Variants in CCDC30 observed in about 807,000 individuals in gnomAD.
The protein encoded by CCDC30 is coiled-coil domain containing 30, also known as coiled-coil domain-containing protein 30.
CCDC30 carries 70 observed loss-of-function variants against 100.2 expected under a neutral mutation model. The observed-to-expected ratio is 0.70, with a 90% CI of 0.58 to 0.85. The LOEUF (loss-of-function observed/expected upper bound fraction) is 0.85. Among genes scored for constraint, CCDC30 ranks in the 40% least tolerant of loss-of-function variants. The pLI is 0.00. For synonymous variants in CCDC30, 233 were observed against 269.5 expected (o/e 0.86, Z 1.33); for missense variants, 652 against 771.2 (o/e 0.85, Z 1.83).
At chr1:42,578,626 A>T (rs568898950) in intron 8 of CCDC30, among the ~76,000 whole-genome samples, 76 of 152,234 alleles carry the variant, frequency 5.0e-4, no homozygotes, top group African/African-American at 1.8e-3. Context: ...TGCAACAAGA[A>T]CTCATATATA....
At position 42,490,217 on chromosome 1, in the gene CCDC30, C is replaced by T. The variant is rs1239284383; in HGVS notation, c.229C>T (p.Leu77=). The change falls in exon 4 of 17, where the codon CTG becomes TTG. Residue 77 remains leucine, a synonymous_variant. Coordinates refer to ENST00000668663, the Ensembl canonical transcript of CCDC30. ...CAAATTGAAGGAAAATTTGGTAAAG[C>T]TGAAAGAAAATGGTAAGTCATTCTA... 3 of 1,206,680 alleles carry T rather than the reference C, an allele frequency of 2.5e-6. No homozygotes were observed. The African/African-American group carries it at 4.7e-5, about 19-fold the overall frequency. The allele number at this position is 1,206,680 out of a possible 1,614,324, so 74.7% of individuals were successfully genotyped here. A position where few individuals can be genotyped will look rare whatever the true frequency, so the allele number is the denominator to read the frequency against.
chr1:42,644,929 G>A (rs1369130721), intron 14 of CCDC30, 122 bp downstream of exon 18: 1 of 651,806 alleles, frequency 1.5e-6, no homozygotes, highest in Non-Finnish European at 2.7e-6. Flanking sequence ...CTCATGGTAG[G>A]CTGTGGCAAA....
At chr1:42,656,254 A>C (rs746754029), downstream of CCDC30, among the ~76,000 whole-genome samples, 1 of 152,186 alleles carries the variant, frequency 6.6e-6, no homozygotes, top group African/African-American at 2.4e-5. Flanking sequence ...ATTACTCCAG[A>C]AAACAAATTC....
intron 6 of CCDC30, among the ~76,000 whole-genome samples, chr1:42,530,115 TGATCCAA>T (rs1471642985): frequency 6.6e-6 from 1 of 152,180 alleles, no homozygotes; most frequent in Non-Finnish European, 1.5e-5. Context: ...CATGGCTCAG[TGATCCAA>T]GATCACTCAA....
intron 3 of CCDC30, 69 bp downstream of exon 3, chr1:42,482,885 A>C: frequency 9.6e-7 from 1 of 1,038,916 alleles, no homozygotes; most frequent in Non-Finnish European, 1.2e-6. Flanking sequence ...TCAGGGTGGA[A>C]CATGAGAAAA....
intron 6 of CCDC30, chr1:42,556,313 A>G: frequency 6.2e-7 from 1 of 1,614,042 alleles, no homozygotes; most frequent in Non-Finnish European, 8.5e-7. Flanking sequence ...GCCTGAGGAA[A>G]TTGTGAGGCT....
chr1:42,497,563 CTG>C lies in CCDC30; in HGVS notation c.357+352_357+353del, dbSNP rs570863399. On this transcript the variant is annotated intron_variant, in intron 5 of 16. Transcript: ENST00000668663. ...AAGATTATTAATACTAAATCTTTAACTGTTTATATTTTTAACCATTTCTTCTT... is the reference window on the plus strand; with the variant it reads ...AAGATTATTAATACTAAATCTTTAACTTTATATTTTTAACCATTTCTTCTT... 5.2e-3 allele frequency among the ~76,000 whole-genome samples: 792 copies of C among 152,190 alleles called. 7 individuals carry two copies. The highest frequency in any genetic ancestry group is 0.018 in the African/African-American group (765 of 41,530).
At chr1:42,462,696 T>G (rs1412045387), upstream of CCDC30, among the ~76,000 whole-genome samples, 1 of 152,156 alleles carries the variant, frequency 6.6e-6, no homozygotes, top group African/African-American at 2.4e-5. Context: ...TTTGTGTCAT[T>G]TATAAGTTTT....
chr1:42,608,107 AG>A (rs899715820), intron 10 of CCDC30, among the ~76,000 whole-genome samples: 54 of 151,948 alleles, frequency 3.6e-4, no homozygotes, highest in Admixed American at 3.2e-3. Flanking sequence ...CCTCTAGACC[AG>A]GGGTCATAAG....
intron 1 of CCDC30, among the ~76,000 whole-genome samples, chr1:42,478,899 G>A (rs937627636): frequency 1.3e-5 from 2 of 152,056 alleles, no homozygotes; most frequent in Non-Finnish European, 2.9e-5. Context: ...ATGTTGTAAA[G>A]AGCCTGAGCA....
At chr1:42,524,789 G>A (rs991940741) in intron 6 of CCDC30, among the ~76,000 whole-genome samples, 2 of 152,182 alleles carry the variant, frequency 1.3e-5, no homozygotes, top group Admixed American at 1.3e-4. Flanking sequence ...TTCTCTAGAA[G>A]TTTCAAGCCT....
intron 9 of CCDC30, among the ~76,000 whole-genome samples, chr1:42,584,625 T>C (rs1222428006): frequency 6.6e-6 from 1 of 152,144 alleles, no homozygotes; most frequent in Non-Finnish European, 1.5e-5. Flanking sequence ...AAAGTTTCGC[T>C]GTTATTATAA....
intron 3 of CCDC30, among the ~76,000 whole-genome samples, chr1:42,489,529 A>G (rs1644103585): frequency 6.6e-6 from 1 of 152,210 alleles, no homozygotes; most frequent in African/African-American, 2.4e-5. Context: ...TATAAAATTC[A>G]TGTTAGTCTC....
intron 13 of CCDC30, among the ~76,000 whole-genome samples, chr1:42,644,053 T>G (rs1011898438): frequency 2.6e-5 from 4 of 152,232 alleles, no homozygotes; most frequent in Admixed American, 2.0e-4. Context: ...CCCAGAAGTT[T>G]ATTAACTTTT....
intron 6 of CCDC30, among the ~76,000 whole-genome samples, chr1:42,559,912 G>A (rs997060408): frequency 9.2e-5 from 14 of 152,266 alleles, no homozygotes; most frequent in African/African-American, 2.6e-4. Flanking sequence ...CTCAGCAAAT[G>A]CAGAAGGACT....
intron 10 of CCDC30, among the ~76,000 whole-genome samples, chr1:42,610,409 T>G (rs1646594966): frequency 6.6e-6 from 1 of 151,010 alleles, no homozygotes; most frequent in Admixed American, 6.6e-5. Flanking sequence ...GCTGGGAGAT[T>G]TTTTGTTTTT....
chr1:42,656,992 C>T (rs191652316), downstream of CCDC30, among the ~76,000 whole-genome samples: 1 of 152,204 alleles, frequency 6.6e-6, no homozygotes, highest in African/African-American at 2.4e-5. Flanking sequence ...CCTTTTCCCC[C>T]TCCTCCCCTT....
At chr1:42,457,650 T>C in the CCDC30 span, 17 of 385,288 alleles carry the variant, frequency 4.4e-5, no homozygotes, top group Middle Eastern at 7.6e-4. Flanking sequence ...TGAATTGAAC[T>C]GGGTTTTAAA....
At chr1:42,472,779 TAAC>T (rs551218483) in intron 1 of CCDC30, among the ~76,000 whole-genome samples, 301 of 152,286 alleles carry the variant, frequency 2.0e-3, no homozygotes, top group African/African-American at 7.1e-3. Flanking sequence ...CATAACTAGA[TAAC>T]AACAGGAAAA....
Sources: gnomAD v4.1 joint callset for allele counts (sites outside exome capture counted in the v4.1 genomes callset) on GRCh38, gnomAD v4.1.1 for gene constraint, MANE v1.5 for transcripts, NCBI Gene and HGNC (gene_info 2026-07-23, HGNC 2026-07-21) for gene names.